C1QTNF9: variants seen among roughly 807,000 people sequenced by gnomAD.
C1QTNF9 encodes complement C1q and tumor necrosis factor-related protein 9A.
C1QTNF9 carries 6 observed loss-of-function variants against 10.1 expected under a neutral mutation model. The observed-to-expected ratio is 0.59, with a 90% confidence interval of 0.32 to 1.17. C1QTNF9 has a LOEUF of 1.17. Among genes scored for constraint, C1QTNF9 ranks in the 50% most tolerant of loss-of-function variants. The pLI is 0.04. For synonymous variants in C1QTNF9, 98 were observed against 163.5 expected, an observed-to-expected ratio of 0.60 and a Z score of 3.06; for missense variants, 201 against 418.8, an observed-to-expected ratio of 0.48 and a Z score of 4.54.
intron 1 of C1QTNF9, 163 bp from the exon 2 acceptor site, chr13:24,315,819 T>C (rs1877998761): frequency 4.4e-6 from 3 of 680,326 alleles, no homozygotes; most frequent in Admixed American, 5.8e-5. Context: ...ATTCTGGTTA[T>C]AATCAGCTTG....
upstream of C1QTNF9, among the ~76,000 whole-genome samples, chr13:24,307,834 C>T (rs779220062): frequency 2.0e-5 from 3 of 152,242 alleles, no homozygotes; most frequent in African/African-American, 7.2e-5. Context: ...ACCAGCAAAG[C>T]TGGAGTGAAC....
At chr13:24,313,458 G>C (rs1877910099) in intron 1 of C1QTNF9, among the ~76,000 whole-genome samples, 1 of 152,212 alleles carries the variant, frequency 6.6e-6, no homozygotes, top group Non-Finnish European at 1.5e-5. Context: ...AAGTTTGGTT[G>C]ATGGAATTTC....
At chr13:24,314,180 C>T (rs147626322) in intron 1 of C1QTNF9, among the ~76,000 whole-genome samples, 21 of 152,286 alleles carry the variant, frequency 1.4e-4, no homozygotes, top group African/African-American at 4.8e-4. Flanking sequence ...TGGCTATCAG[C>T]ACTGTGAGAG....
chr13:24,311,684 C>T (rs1877827635), intron 1 of C1QTNF9, among the ~76,000 whole-genome samples: 1 of 152,188 alleles, frequency 6.6e-6, no homozygotes, highest in South Asian at 2.1e-4. Flanking sequence ...GATGTGGGCT[C>T]AGCTGTGTGT....
chr13:24,312,231 A>G (rs1877853667), intron 1 of C1QTNF9, among the ~76,000 whole-genome samples: 1 of 152,206 alleles, frequency 6.6e-6, no homozygotes, highest in South Asian at 2.1e-4. Context: ...CAAATACTTG[A>G]CTGAAAATAA....
rs552986071 is a variant in C1QTNF9 at position 24,314,374 on chromosome 13, C to T, written c.-22-1608C>T. Among the ~76,000 whole-genome samples, 3 of 132,140 alleles carry T rather than the reference C, an allele frequency of 2.3e-5. No individual in the cohort carries two copies. In the East Asian group the frequency reaches 6.1e-4, roughly 27 times the overall value. 86.7% of individuals were successfully genotyped at this position (132,140 alleles called of 152,430 possible). A position where few individuals can be genotyped will look rare whatever the true frequency, so the allele number is the denominator to read the frequency against. On this transcript the variant is annotated intron_variant, in intron 1 of 3. Transcript: ENST00000332018. The stretch of plus-strand genomic sequence containing the variant: ...GCAACAGAGTGAGACCCAGTCTCTC[C>T]AAAGAAAAAAAAAAAAAGAAAGAAA...
rs779471700 is a variant in C1QTNF9, at chr13:24,321,539, T to C, written c.773T>C (p.Phe258Ser). The change falls in exon 4 of 4, where the codon TTC becomes TCC. Residue 258 changes from phenylalanine (F) to serine (S), a missense_variant. Physicochemically the swap from Phe to Ser is radical, Grantham distance 155. This residue lies in a region of C1QTNF9 where 62 missense variants were observed against 250.2 expected (regional missense o/e 0.25). Transcript: ENST00000332018. ...TACTTCACCTACCACATCACTGTTT[T>C]CTCCAGAAATGTTCAGGTGTCTTTG... is the stretch of plus-strand genomic sequence containing the variant. The C allele has an allele frequency of 8.7e-6, 14 of 1,611,832 alleles. No homozygotes were observed. Among genetic ancestry groups the C allele is most frequent in the Non-Finnish European group, 1.2e-5 (14 of 1,179,056 alleles).
In C1QTNF9 at chr13:24,313,651, G is replaced by A. The variant is rs534537309; in HGVS notation, c.-22-2331G>A. Among the ~76,000 whole-genome samples the A allele has an allele frequency of 4.6e-5, 7 of 152,282 alleles. 1 individual carries two copies. The South Asian group carries it at 1.5e-3, about 32-fold the overall frequency. ...CCATTTGCATTAGACTGCTCCCTGT[G>A]ACATTTCCACCAGATGGCAATACAG... On this transcript the variant is annotated intron_variant, in intron 1 of 3. Transcript: ENST00000332018.
intron 2 of C1QTNF9, among the ~76,000 whole-genome samples, chr13:24,317,064 C>T (rs1231894578): frequency 2.0e-5 from 3 of 152,120 alleles, no homozygotes; most frequent in Non-Finnish European, 4.4e-5. Context: ...AGCCAAGGGT[C>T]ACCAGGAAGC....
chr13:24,312,342 G>T (rs994721921), intron 1 of C1QTNF9, among the ~76,000 whole-genome samples: 8 of 147,072 alleles, frequency 5.4e-5, no homozygotes, highest in African/African-American at 2.1e-4. Context: ...AGTAAGTGGG[G>T]ACTGGGGAGG....
At chr13:24,315,384 T>C (rs1405353085) in intron 1 of C1QTNF9, among the ~76,000 whole-genome samples, 2 of 152,258 alleles carry the variant, frequency 1.3e-5, no homozygotes, top group African/African-American at 4.8e-5. Flanking sequence ...TCAGAATTTC[T>C]TCTCTTTCTA....
upstream of C1QTNF9, among the ~76,000 whole-genome samples, chr13:24,309,175 T>C (rs73170341): frequency 0.2 from 29,643 of 150,534 alleles, 3,426 homozygotes; most frequent in East Asian, 0.35. Context: ...GGCATGAACA[T>C]CACTTTGAAA....
At chr13:24,322,149 T>G (rs1878297605) in exon 4 of C1QTNF9, 1 of 180,974 alleles carries the variant, frequency 5.5e-6, no homozygotes, top group Non-Finnish European at 1.1e-5. Context: ...TTATTCAATT[T>G]AGTACTAGCA....
intron 1 of C1QTNF9, among the ~76,000 whole-genome samples, chr13:24,312,647 A>C (rs1877872764): frequency 6.6e-6 from 1 of 152,184 alleles, no homozygotes; most frequent in Non-Finnish European, 1.5e-5. Flanking sequence ...AACTTGCTAA[A>C]ATTTCTTATT....
intron 3 of C1QTNF9, among the ~76,000 whole-genome samples, chr13:24,319,895 C>G (rs1342411192): frequency 6.6e-6 from 1 of 152,192 alleles, no homozygotes. Flanking sequence ...TGTGAGGGAA[C>G]AGAGGCACGA....
At chr13:24,320,801 G>A (rs111422161) in intron 3 of C1QTNF9, among the ~76,000 whole-genome samples, 195 bp from the exon 4 acceptor site, 3 of 151,062 alleles carry the variant, frequency 2.0e-5, no homozygotes, top group South Asian at 2.1e-4. Context: ...TCCTCCTGCC[G>A]CGGTCTCCCA....
intron 1 of C1QTNF9, among the ~76,000 whole-genome samples, chr13:24,312,197 G>A (rs1419783451): frequency 6.6e-6 from 1 of 152,234 alleles, no homozygotes; most frequent in Non-Finnish European, 1.5e-5. Flanking sequence ...AGTATTTCTT[G>A]CATGCCTGCA....
rs375717057 is a variant in C1QTNF9 at position 24,316,714 on chromosome 13, G to C, written c.166+545G>C. On this transcript the variant is annotated intron_variant, in intron 2 of 3. Coordinates refer to ENST00000332018, the Ensembl canonical transcript of C1QTNF9. The stretch of plus-strand genomic sequence containing the variant: ...GCTGCTTATGCATCTATATGACCTA[G>C]GTTGGGACCCTGTCCCAGGGTCTGG... Among the ~76,000 whole-genome samples the C allele has an allele frequency of 2.0e-5, 3 of 152,164 alleles. No individual in the cohort carries two copies. In the East Asian group the frequency reaches 5.8e-4, roughly 29 times the overall value.
intron 2 of C1QTNF9, among the ~76,000 whole-genome samples, chr13:24,316,418 G>T (rs1263679240): frequency 6.6e-6 from 1 of 152,062 alleles, no homozygotes; most frequent in Non-Finnish European, 1.5e-5. Context: ...GGGCAAGATC[G>T]CCATGACCCC....
Sources: gnomAD v4.1 joint callset for allele counts (sites outside exome capture counted in the v4.1 genomes callset) on GRCh38, gnomAD v4.1.1 for gene constraint, gnomAD v4.1.1 regional missense constraint, MANE v1.5 for transcripts, NCBI Gene and HGNC (gene_info 2026-07-23, HGNC 2026-07-21) for gene names.